MCOLN2: variants seen among roughly 807,000 people sequenced by gnomAD.
MCOLN2 encodes the protein mucolipin TRP cation channel 2.
A neutral mutation model predicts 67.5 loss-of-function variants in MCOLN2; 57 were observed. The observed-to-expected ratio is 0.84, with a 90% CI of 0.68 to 1.05. The LOEUF (loss-of-function observed/expected upper bound fraction) is 1.05, where lower values mean the gene tolerates loss of function less well. Ranked by LOEUF, MCOLN2 falls within the 50% of genes least tolerant of loss-of-function variation. The pLI, the probability that MCOLN2 is intolerant of heterozygous loss-of-function variation, is 0.00. For synonymous variants in MCOLN2, 246 were observed against 233.3 expected, an observed-to-expected ratio of 1.05 and a Z score of -0.50; for missense variants, 620 against 678.8, an observed-to-expected ratio of 0.91 and a Z score of 0.96.
At chr1:84,967,126 G>A (rs1003968037) in intron 1 of MCOLN2, among the ~76,000 whole-genome samples, 1 of 152,326 alleles carries the variant, frequency 6.6e-6, no homozygotes, top group South Asian at 2.1e-4. Context: ...AGCATAGACT[G>A]TGAGTCCGGA....
At position 84,996,950 on chromosome 1, in the gene MCOLN2, TC is replaced by T. The variant is rs1182057912; in HGVS notation, c.-79del. On this transcript the variant is annotated 5_prime_UTR_variant, in exon 1 of 14. Transcript: ENST00000370608. The stretch of plus-strand genomic sequence containing the variant: ...CGTTCACGGCCGACTCATTTCGCCC[TC>T]GCCGTAACGCGTCCGCCGAAGTTGG... 2 of 1,322,436 alleles carry T rather than the reference TC, an allele frequency of 1.5e-6. No individual in the cohort carries two copies. The highest frequency in any genetic ancestry group is 2.9e-5 in the African/African-American group (2 of 68,586). The allele number at this position is 1,322,436 out of a possible 1,614,324, so 81.9% of individuals were successfully genotyped here.
intron 6 of MCOLN2, 21 bp from the exon 7 acceptor site, chr1:84,947,153 C>A: frequency 1.7e-6 from 2 of 1,174,274 alleles, no homozygotes; most frequent in Non-Finnish European, 2.6e-6. Context: ...AAATGTATAG[C>A]GAGATTACAA....
In MCOLN2 at chr1:84,942,349, G is replaced by A. The variant is rs78907328; in HGVS notation, c.848-1358C>T. 7.6e-3 allele frequency among the ~76,000 whole-genome samples: 1,164 copies of A among 152,226 alleles called. 8 individuals are homozygous for A. The highest frequency in any genetic ancestry group is 0.017 in the Middle Eastern group (5 of 294). ...GGAAAGAACATGGTCTCTGGAGCCCGACAGCCTGGCTCTGAATCTCAGCTC... is the reference window on the plus strand; with the variant it reads ...GGAAAGAACATGGTCTCTGGAGCCCAACAGCCTGGCTCTGAATCTCAGCTC... On this transcript the variant is annotated intron_variant, in intron 7 of 13. Coordinates refer to ENST00000370608, the MANE Select transcript of MCOLN2 (RefSeq NM_153259.4).
At position 84,987,567 on chromosome 1, in the gene MCOLN2, TAG is replaced by T. The variant is rs1452989159; in HGVS notation, c.77+9227_77+9228del. The stretch of plus-strand genomic sequence containing the variant: ...ATAGATGTATACATCTATGTATACA[TAG>T]ATGTATACATAGATATATACATATG... On this transcript the variant is annotated intron_variant, in intron 1 of 13. Coordinates refer to ENST00000370608, the MANE Select transcript of MCOLN2 (RefSeq NM_153259.4). Among the ~76,000 whole-genome samples the T allele has an allele frequency of 6.6e-4, 58 of 87,970 alleles. 7 individuals carry two copies. Among genetic ancestry groups the T allele is most frequent in the African/African-American group, 1.6e-3 (38 of 23,756 alleles). 57.7% of individuals were successfully genotyped at this position (87,970 alleles called of 152,430 possible).
intron 8 of MCOLN2, among the ~76,000 whole-genome samples, 185 bp downstream of exon 8, chr1:84,940,693 CA>C (rs976457325): frequency 2.0e-5 from 3 of 152,224 alleles, no homozygotes; most frequent in African/African-American, 7.2e-5. Context: ...TTGACATACT[CA>C]GAGCCTTTAC....
intron 12 of MCOLN2, 115 bp from the exon 13 acceptor site, chr1:84,929,794 G>T: frequency 1.0e-6 from 1 of 986,208 alleles, no homozygotes; most frequent in Non-Finnish European, 1.5e-6. Flanking sequence ...TGCTAGCTCA[G>T]ATCCAAGAAC....
chr1:84,928,135 T>C (rs1661245119), intron 13 of MCOLN2, among the ~76,000 whole-genome samples: 1 of 152,166 alleles, frequency 6.6e-6, no homozygotes, highest in Non-Finnish European at 1.5e-5. Context: ...GGACCATCGT[T>C]TGGCCAAACA....
chr1:84,939,482 G>T, intron 9 of MCOLN2, 71 bp downstream of exon 9: 1 of 1,461,280 alleles, frequency 6.8e-7, no homozygotes, highest in South Asian at 1.2e-5. Context: ...CCAAAGGATG[G>T]TACGTCTTAA....
At chr1:84,954,203 G>C (rs1648662263) in intron 4 of MCOLN2, among the ~76,000 whole-genome samples, 1 of 152,132 alleles carries the variant, frequency 6.6e-6, no homozygotes, top group East Asian at 1.9e-4. Context: ...TAGATGTCCT[G>C]AGCCAGAAAC....
At chr1:84,965,008 C>T (rs776447146) in intron 2 of MCOLN2, among the ~76,000 whole-genome samples, 4 of 152,160 alleles carry the variant, frequency 2.6e-5, no homozygotes, top group Non-Finnish European at 5.9e-5. Context: ...ACTGGTTCAG[C>T]AATACAGGCC....
At chr1:84,992,287 A>T (rs886646944) in intron 1 of MCOLN2, among the ~76,000 whole-genome samples, 3 of 152,204 alleles carry the variant, frequency 2.0e-5, no homozygotes, top group Non-Finnish European at 4.4e-5. Context: ...AGATGTATTC[A>T]AGGGGAGAAA....
intron 8 of MCOLN2, 125 bp from the exon 9 acceptor site, chr1:84,939,827 C>A: frequency 1.0e-6 from 1 of 953,310 alleles, no homozygotes; most frequent in Non-Finnish European, 1.6e-6. Context: ...TTTGCCAGAT[C>A]CACCTCGAAA....
intron 11 of MCOLN2, 88 bp downstream of exon 11, chr1:84,937,667 G>A (rs1275653042): frequency 2.6e-6 from 4 of 1,561,470 alleles, no homozygotes; most frequent in Non-Finnish European, 3.5e-6. Context: ...ACATGCTAGA[G>A]AAGACCAGGA....
rs1557665991 is a variant in MCOLN2 at position 84,987,577 on chromosome 1, CATAGATATATACA to C, written c.77+9206_77+9218del. On this transcript the variant is annotated intron_variant, in intron 1 of 13. Transcript: ENST00000370608. ...ACATCTATGTATACATAGATGTATA[CATAGATATATACA>C]TATGTATATAGATGTATATCAATCT... Among the ~76,000 whole-genome samples, 11 of 75,292 alleles carry C rather than the reference CATAGATATATACA, an allele frequency of 1.5e-4. 1 individual carries two copies. The highest frequency in any genetic ancestry group is 1.3e-3 in the South Asian group (3 of 2,298). 49.4% of individuals were successfully genotyped at this position (75,292 alleles called of 152,430 possible). A position where few individuals can be genotyped will look rare whatever the true frequency, so the allele number is the denominator to read the frequency against.
intron 1 of MCOLN2, among the ~76,000 whole-genome samples, chr1:84,983,397 T>C (rs6685363): frequency 0.44 from 66,274 of 151,828 alleles, 15,217 homozygotes; most frequent in East Asian, 0.63. Context: ...ACTTCCAGAG[T>C]AGCTGGGACC....
chr1:84,958,241 C>A (rs1411808799), intron 3 of MCOLN2, among the ~76,000 whole-genome samples: 2 of 152,120 alleles, frequency 1.3e-5, no homozygotes, highest in Non-Finnish European at 1.5e-5. Flanking sequence ...TTTCATCAAG[C>A]CTTCTGAGAT....
intron 1 of MCOLN2, among the ~76,000 whole-genome samples, chr1:84,965,992 C>T (rs1470630783): frequency 6.6e-6 from 1 of 152,170 alleles, no homozygotes; most frequent in African/African-American, 2.4e-5. Flanking sequence ...GTGGCTCACA[C>T]CTGTAATCCC....
intron 11 of MCOLN2, among the ~76,000 whole-genome samples, chr1:84,935,136 G>A (rs1647348410): frequency 2.0e-5 from 3 of 152,152 alleles, no homozygotes; most frequent in Admixed American, 2.0e-4. Flanking sequence ...TGAACATGCT[G>A]ACAGCTTGGA....
chr1:84,950,242 G>C (rs571346735), intron 6 of MCOLN2, among the ~76,000 whole-genome samples: 1 of 152,198 alleles, frequency 6.6e-6, no homozygotes, highest in Admixed American at 6.5e-5. Flanking sequence ...AAACAAATAT[G>C]ATTGAAAGGG....
Sources: gnomAD v4.1 joint callset for allele counts (sites outside exome capture counted in the v4.1 genomes callset) on GRCh38, gnomAD v4.1.1 for gene constraint, MANE v1.5 for transcripts, NCBI Gene and HGNC (gene_info 2026-07-23, HGNC 2026-07-21) for gene names.